NLRP3: variants seen among roughly 807,000 people sequenced by gnomAD.
NLRP3 encodes the protein NACHT, LRR and PYD domains-containing protein 3.
In NLRP3, 48 loss-of-function variants were observed where a neutral mutation model predicts 91.3. The ratio of observed to expected loss-of-function variants is 0.53; its 90% CI spans 0.42 to 0.67. The LOEUF is 0.67. NLRP3 is among the 30% of genes least tolerant of loss of function. The pLI is 0.00. For synonymous variants in NLRP3, 561 were observed against 507.9 expected, an observed-to-expected ratio of 1.10 and a Z score of -1.41; for missense variants, 982 against 1,276.9, an observed-to-expected ratio of 0.77 and a Z score of 3.52.
At chr1:247,433,261 TATAGATGG>T (rs921805861) in intron 5 of NLRP3, among the ~76,000 whole-genome samples, 4 of 151,894 alleles carry the variant, frequency 2.6e-5, no homozygotes, top group Non-Finnish European at 5.9e-5. Context: ...TTCCTTTCAA[TATAGATGG>T]AGGGCTGGGA....
chr1:247,435,863 T>G (rs890463931), intron 6 of NLRP3, 107 bp from the exon 7 acceptor site: 20 of 1,036,912 alleles, frequency 1.9e-5, no homozygotes, highest in African/African-American at 3.1e-5. Flanking sequence ...TCCACTCCCT[T>G]TCCATGTGTA....
chr1:247,418,822 C>G lies in NLRP3; in HGVS notation c.22C>G (p.Leu8Val). 1.2e-6 allele frequency: 2 copies of G among 1,614,062 alleles called. No homozygotes were observed. Among genetic ancestry groups the G allele is most frequent in the Non-Finnish European group, 1.7e-6 (2 of 1,180,030 alleles). The change falls in exon 2 of 10, where the codon CTG becomes GTG. Residue 8 changes from leucine to valine, a missense_variant. By Grantham distance (32) the Leu-to-Val change is conservative. Around this residue, in one of 5 missense-constraint regions of NLRP3, gnomAD observed 548 missense variants for 713.7 expected, o/e 0.77. Transcript: ENST00000336119. MASTRCKLARYLEDLEDV... is the reference protein window; with the variant it reads MASTRCKVARYLEDLEDV... ...GAAGATGGCAAGCACCCGCTGCAAGCTGGCCAGGTACCTGGAGGACCTGGA... is the reference window on the plus strand; with the variant it reads ...GAAGATGGCAAGCACCCGCTGCAAGGTGGCCAGGTACCTGGAGGACCTGGA...
chr1:247,426,328 G>T (rs923477531), intron 4 of NLRP3, among the ~76,000 whole-genome samples: 28 of 152,204 alleles, frequency 1.8e-4, no homozygotes, highest in African/African-American at 3.6e-4. Context: ...TTGCTGGGTG[G>T]TTGGAAGCTA....
intron 2 of NLRP3, among the ~76,000 whole-genome samples, chr1:247,421,755 A>G (rs1662475731): frequency 6.6e-6 from 1 of 152,186 alleles, no homozygotes; most frequent in South Asian, 2.1e-4. Context: ...CTTTGCTTCC[A>G]TATCTGGATT....
chr1:247,430,952 A>G (rs1300966936), intron 5 of NLRP3, among the ~76,000 whole-genome samples: 1 of 151,178 alleles, frequency 6.6e-6, no homozygotes, highest in Non-Finnish European at 1.5e-5. Flanking sequence ...TTTTTTTTGT[A>G]GAGATGTGGT....
rs955593576 is a variant in NLRP3, at chr1:247,419,149, T to C, written c.277+72T>C. The C allele has an allele frequency of 4.1e-5, 38 of 922,344 alleles. 1 individual carries two copies. Among genetic ancestry groups the C allele is most frequent in the Non-Finnish European group, 5.2e-5 (37 of 716,838 alleles). 57.1% of individuals were successfully genotyped at this position (922,344 alleles called of 1,614,324 possible). A position where few individuals can be genotyped will look rare whatever the true frequency, so the allele number is the denominator to read the frequency against. ...TAGTGTACAATTTTCCATCTTTATATATATATATATATATATTTTTTTTTG... is the reference window on the plus strand; with the variant it reads ...TAGTGTACAATTTTCCATCTTTATACATATATATATATATATTTTTTTTTG... On this transcript the variant is annotated intron_variant, in intron 2 of 9. Transcript: ENST00000336119.
intron 7 of NLRP3, among the ~76,000 whole-genome samples, chr1:247,439,045 C>CATCCATCCATCT (rs1553291701): frequency 0.13 from 19,244 of 150,276 alleles, 1,458 homozygotes; most frequent in African/African-American, 0.2. Context: ...TCCATCCATC[C>CATCCATCCATCT]ATCCATCCAT....
chr1:247,423,598 A>C (rs556746405), intron 3 of NLRP3, among the ~76,000 whole-genome samples: 4 of 152,292 alleles, frequency 2.6e-5, no homozygotes, highest in African/African-American at 7.2e-5. Context: ...GATTACTTAA[A>C]GGAATAAGAT....
intron 2 of NLRP3, among the ~76,000 whole-genome samples, chr1:247,420,816 A>C (rs1662403699): frequency 6.6e-6 from 1 of 152,044 alleles, no homozygotes; most frequent in South Asian, 2.1e-4. Flanking sequence ...TGCTTTCTCT[A>C]ACTCCTTTAA....
intron 7 of NLRP3, among the ~76,000 whole-genome samples, chr1:247,437,534 C>T (rs904069397): frequency 1.1e-4 from 16 of 152,300 alleles, no homozygotes; most frequent in South Asian, 2.1e-4. Flanking sequence ...CTTAGCAAAT[C>T]GCCTTAGAAT....
At chr1:247,426,963 T>C (rs1384064054) in intron 4 of NLRP3, among the ~76,000 whole-genome samples, 1 of 151,462 alleles carries the variant, frequency 6.6e-6, no homozygotes, top group Non-Finnish European at 1.5e-5. Context: ...CAGTTCCGAG[T>C]GACTGGAAAA....
intron 5 of NLRP3, 29 bp from the exon 6 acceptor site, chr1:247,434,074 T>A (rs116630346): frequency 2.0e-6 from 2 of 1,022,924 alleles, no homozygotes; most frequent in African/African-American, 5.1e-5. Context: ...TGTGTTCTGA[T>A]GCTTTCTGCC....
chr1:247,418,070 G>C lies in NLRP3; in HGVS notation c.-731G>C, dbSNP rs1299960298. The C allele has an allele frequency of 6.6e-6, 1 of 152,368 alleles. No individual in the cohort carries two copies. The highest frequency in any genetic ancestry group is 2.4e-5 in the African/African-American group (1 of 41,450). The allele number at this position is 152,368 out of a possible 1,614,324, so 9.4% of individuals were successfully genotyped here. On this transcript the variant is annotated 5_prime_UTR_variant, in exon 2 of 10. Transcript: ENST00000336119. ...TTTTGTAGATGAGGAAACTGAAGTT[G>C]AGGAATAGTGAAGAGTTTGTCCAAT... is the stretch of plus-strand genomic sequence containing the variant.
Position 247,448,640 on chromosome 1 carries a change from G to A in NLRP3, c.*136G>A, listed in dbSNP as rs1664757736. 1.4e-6 allele frequency: 1 copy of A among 712,794 alleles called. No individual in the cohort carries two copies. 44.2% of individuals were successfully genotyped at this position (712,794 alleles called of 1,614,324 possible). ...TTCCGGTGGAGTGTCGGAGAAGAGA[G>A]CTTGCCGACGATGCCTTCCTGTGCA... On this transcript the variant is annotated 3_prime_UTR_variant, in exon 10 of 10. Transcript: ENST00000336119.
intron 7 of NLRP3, among the ~76,000 whole-genome samples, chr1:247,443,560 T>TA (rs75792988): frequency 0.012 from 1,517 of 123,056 alleles, 23 homozygotes; most frequent in African/African-American, 0.035. Flanking sequence ...CTGTCTCTCT[T>TA]AAAAAAAAAA....
rs2103174115 is a variant in NLRP3, at chr1:247,436,055, G to A, written c.2578G>A (p.Val860Met). The change falls in exon 7 of 10, where the codon GTG becomes ATG. Residue 860 changes from valine (V) to methionine (M), a missense_variant. Physicochemically the swap from Val to Met is conservative, Grantham distance 21. Transcript: ENST00000336119. Reference sequence around the variant, plus strand: ...CAGCCATTCCCTGACCAGACTCTATGTGGGGGAGAATGCCTTGGGAGACTC... The same window carrying A: ...CAGCCATTCCCTGACCAGACTCTATATGGGGGAGAATGCCTTGGGAGACTC... ...STSHSLTRLY[V>M]GENALGDSGV... is the part of the protein sequence containing the mutation. 6.2e-7 allele frequency: 1 copy of A among 1,614,196 alleles called. No homozygotes were observed. Among genetic ancestry groups the A allele is most frequent in the Non-Finnish European group, 8.5e-7 (1 of 1,180,032 alleles).
At position 247,418,752 on chromosome 1, in the gene NLRP3, C is replaced by G. The variant is rs201471268; in HGVS notation, c.-49C>G. Reference sequence around the variant, plus strand: ...GTGTGCCGTGTTCACTGCCTGGTATCTTAGTGTGGACCGAAGCCTAAGGAC... The same window carrying G: ...GTGTGCCGTGTTCACTGCCTGGTATGTTAGTGTGGACCGAAGCCTAAGGAC... On this transcript the variant is annotated 5_prime_UTR_variant, in exon 2 of 10. The change creates a new upstream start codon in the 5' untranslated region. Coordinates refer to ENST00000336119, the MANE Select transcript of NLRP3 (RefSeq NM_001243133.2). 1.9e-5 allele frequency: 30 copies of G among 1,611,322 alleles called. No individual in the cohort carries two copies. The highest frequency in any genetic ancestry group is 2.4e-5 in the Non-Finnish European group (28 of 1,179,116).
intron 9 of NLRP3, among the ~76,000 whole-genome samples, chr1:247,446,817 A>T (rs1346934220): frequency 2.0e-5 from 3 of 152,218 alleles, no homozygotes; most frequent in African/African-American, 7.2e-5. Context: ...CATATTAATG[A>T]TCTCAAGGCT....
Position 247,425,836 on chromosome 1 carries a change from G to C in NLRP3, c.2150+237G>C, listed in dbSNP as rs1186049198. 1 of 553,346 alleles carries C rather than the reference G, an allele frequency of 1.8e-6. No individual in the cohort carries two copies. The highest frequency in any genetic ancestry group is 3.2e-6 in the Non-Finnish European group (1 of 308,358). 34.3% of individuals were successfully genotyped at this position (553,346 alleles called of 1,614,324 possible). On this transcript the variant is annotated intron_variant, in intron 4 of 9. Coordinates refer to ENST00000336119, the MANE Select transcript of NLRP3 (RefSeq NM_001243133.2). This position sits in a 1 kb window ranked among gnomAD's most constrained non-coding sequence, Gnocchi z 4.1. Reference sequence around the variant, plus strand: ...AGGAACAAATGTTTGGGGAATGCCAGTTTAGCACAAGGTATTAAGTAGGAT... The same window carrying C: ...AGGAACAAATGTTTGGGGAATGCCACTTTAGCACAAGGTATTAAGTAGGAT...
Sources: allele counts gnomAD v4.1 joint callset (sites outside exome capture counted in the v4.1 genomes callset), GRCh38; gene constraint gnomAD v4.1.1; regional missense constraint gnomAD v4.1.1; non-coding constraint Gnocchi (gnomAD v3.1); transcripts MANE v1.5; gene names NCBI Gene and HGNC (gene_info 2026-07-23, HGNC 2026-07-21).